The following RALGAPA1 variants were observed in gnomAD, a reference collection of about 807,000 sequenced individuals.
RALGAPA1 encodes the protein ral GTPase-activating protein subunit alpha-1.
A neutral mutation model predicts 269.6 loss-of-function variants in RALGAPA1; 52 were observed. The ratio of observed to expected loss-of-function variants is 0.19; its 90% confidence interval spans 0.15 to 0.24. RALGAPA1 has a LOEUF of 0.24. Among genes scored for constraint, RALGAPA1 ranks in the 10% least tolerant of loss-of-function variants. The pLI is 1.00. For synonymous variants in RALGAPA1, 817 were observed against 1,008.3 expected, an observed-to-expected ratio of 0.81 and a Z score of 3.60; for missense variants, 1,917 against 3,013.9, an observed-to-expected ratio of 0.64 and a Z score of 8.52.
rs1168225146 is a variant in RALGAPA1, at chr14:35,685,123, C to T, written c.4100G>A (p.Ser1367Asn). ...NASTMTRRGSSPGSLEIPKDL... is the reference protein window; with the variant it reads ...NASTMTRRGSNPGSLEIPKDL... ...TTTGGGAATTTCCAGGCTGCCTGGA[C>T]TACTTCCTCTTCTTGTCATAGTCTA... The change falls in exon 20 of 42, where the codon AGT becomes AAT. Residue 1367 changes from serine (S) to asparagine (N), a missense_variant. Around this residue, in one of 11 missense-constraint regions of RALGAPA1, gnomAD observed 615 missense variants for 790.0 expected, o/e 0.78. Transcript: ENST00000680220. 7.7e-6 allele frequency: 12 copies of T among 1,564,298 alleles called. No individual in the cohort carries two copies. The highest frequency in any genetic ancestry group is 8.7e-6 in the Non-Finnish European group (10 of 1,153,518).
rs34108430 is a variant in RALGAPA1 at position 35,607,151 on chromosome 14, CA to C, written c.6930-1443del. The stretch of plus-strand genomic sequence containing the variant: ...TATTGTCCTAAAGTCATAGAGCAAA[CA>C]GGGAAATATTCATTCAAGGAAACTC... On this transcript the variant is annotated intron_variant, in intron 35 of 41. Transcript: ENST00000680220. Among the ~76,000 whole-genome samples, 1,520 of 152,302 alleles carry C rather than the reference CA, an allele frequency of 1.0e-2. 9 individuals are homozygous for C. Among genetic ancestry groups the C allele is most frequent in the Non-Finnish European group, 0.015 (992 of 68,026 alleles).
At chr14:35,599,745 C>T (rs879705491) in intron 36 of RALGAPA1, among the ~76,000 whole-genome samples, 1 of 152,122 alleles carries the variant, frequency 6.6e-6, no homozygotes, top group Non-Finnish European at 1.5e-5. Flanking sequence ...GAGTGAGACT[C>T]CACCTCAAAA....
intron 35 of RALGAPA1, among the ~76,000 whole-genome samples, chr14:35,606,063 T>C (rs1310384279): frequency 6.6e-6 from 1 of 152,220 alleles, no homozygotes; most frequent in Non-Finnish European, 1.5e-5. Context: ...TTTTGCAATG[T>C]AGCCGAATCC....
intron 13 of RALGAPA1, among the ~76,000 whole-genome samples, chr14:35,727,794 G>T (rs2070108030): frequency 6.6e-6 from 1 of 152,138 alleles, no homozygotes; most frequent in Admixed American, 6.5e-5. Flanking sequence ...GTAGAAACAG[G>T]AAGGTGAATC....
intron 38 of RALGAPA1, among the ~76,000 whole-genome samples, chr14:35,571,263 T>C (rs2139453772): frequency 6.6e-6 from 1 of 152,352 alleles, no homozygotes; most frequent in South Asian, 2.1e-4. Context: ...TTAGAAATTC[T>C]GTTTGAATAA....
intron 28 of RALGAPA1, among the ~76,000 whole-genome samples, chr14:35,656,195 A>G (rs2063163299): frequency 6.6e-6 from 1 of 152,210 alleles, no homozygotes; most frequent in African/African-American, 2.4e-5. Context: ...TTAGACTGAC[A>G]TTGCTATCAA....
intron 41 of RALGAPA1, among the ~76,000 whole-genome samples, chr14:35,546,028 C>CTAA (rs1436524718): frequency 1.3e-5 from 2 of 152,004 alleles, no homozygotes; most frequent in Non-Finnish European, 2.9e-5. Context: ...CAAGAAAAAT[C>CTAA]TAATAATATT....
chr14:35,793,527 C>T (rs2076345740), intron 1 of RALGAPA1, among the ~76,000 whole-genome samples: 1 of 152,062 alleles, frequency 6.6e-6, no homozygotes, highest in Non-Finnish European at 1.5e-5. Context: ...AGCCACCGCG[C>T]CTGGCTCTCC....
In RALGAPA1 at chr14:35,678,938, AC is replaced by A. The variant is rs1203408330; in HGVS notation, c.4472-837del. On this transcript the variant is annotated intron_variant, in intron 21 of 41. Transcript: ENST00000680220. ...AGTCTCTGCTAGATGCTCTCACTGA[AC>A]CCTGCACCTCTCTATTATACCACTT... is the stretch of plus-strand genomic sequence containing the variant. Among the ~76,000 whole-genome samples the A allele has an allele frequency of 6.2e-3, 949 of 152,148 alleles. 15 individuals carry two copies. Among genetic ancestry groups the A allele is most frequent in the African/African-American group, 0.022 (899 of 41,492 alleles).
At chr14:35,697,778 G>A (rs140690551) in intron 17 of RALGAPA1, among the ~76,000 whole-genome samples, 1 of 152,092 alleles carries the variant, frequency 6.6e-6, no homozygotes, top group African/African-American at 2.4e-5. Flanking sequence ...TTACGTATCA[G>A]CTTGAAAAAT....
At chr14:35,653,767 T>C (rs1024049522) in intron 30 of RALGAPA1, among the ~76,000 whole-genome samples, 2 of 151,070 alleles carry the variant, frequency 1.3e-5, no homozygotes, top group Admixed American at 6.6e-5. Context: ...AAAGAAATAA[T>C]GAAGGAATGA....
chr14:35,569,402 G>T lies in RALGAPA1; in HGVS notation c.7496+1215C>A, dbSNP rs545510831. ...ATTTAAAACTTTGTGTATGTTGTGT[G>T]CCAGGCACTGTTTTAAGAGCTTTAC... On this transcript the variant is annotated intron_variant, in intron 39 of 41. Transcript: ENST00000680220. Among the ~76,000 whole-genome samples the T allele has an allele frequency of 6.1e-4, 93 of 152,276 alleles. 1 individual carries two copies. The highest frequency in any genetic ancestry group is 2.2e-3 in the African/African-American group (91 of 41,548).
intron 26 of RALGAPA1, among the ~76,000 whole-genome samples, chr14:35,668,286 C>G (rs566410125): frequency 1.2e-3 from 177 of 152,238 alleles, no homozygotes; most frequent in African/African-American, 3.9e-3. Flanking sequence ...AGTTCAAGAC[C>G]AGCCTGGCCA....
intron 2 of RALGAPA1, 58 bp from the exon 3 acceptor site, chr14:35,775,113 T>A (rs534441871): frequency 2.0e-6 from 2 of 977,486 alleles, no homozygotes; most frequent in Non-Finnish European, 3.1e-6. Flanking sequence ...CATAATGAAC[T>A]TAAAATATTT....
chr14:35,743,152 G>A (rs553998892), intron 10 of RALGAPA1, among the ~76,000 whole-genome samples: 9 of 152,004 alleles, frequency 5.9e-5, no homozygotes, highest in African/African-American at 1.4e-4. Context: ...CACAGACAGT[G>A]GCCCCTGCTG....
rs776748747 is a variant in RALGAPA1 at position 35,775,042 on chromosome 14, T to C, written c.231A>G (p.Gln77=). The change falls in exon 3 of 42, where the codon CAA becomes CAG. Residue 77 remains glutamine, a synonymous_variant. Coordinates refer to ENST00000680220, the MANE Select transcript of RALGAPA1 (RefSeq NM_001346249.2). ...AAAGTATAGCATCCAATTCCTCTCT[T>C]TGAGACTTGTGACCTAAAACATTTT... ...ASLKQKGHKS[Q]REELDAILFI... is the part of the protein sequence containing the mutation. 6.4e-7 allele frequency: 1 copy of C among 1,560,088 alleles called. No homozygotes were observed. Among genetic ancestry groups the C allele is most frequent in the Non-Finnish European group, 8.8e-7 (1 of 1,138,294 alleles).
intron 11 of RALGAPA1, among the ~76,000 whole-genome samples, chr14:35,741,391 T>C (rs1052084359): frequency 1.3e-5 from 2 of 152,168 alleles, no homozygotes; most frequent in Non-Finnish European, 2.9e-5. Flanking sequence ...TTCAATTATA[T>C]TTCTCAGTTA....
intron 27 of RALGAPA1, 90 bp from the exon 28 acceptor site, chr14:35,659,286 T>C: frequency 1.1e-6 from 1 of 872,934 alleles, no homozygotes; most frequent in Non-Finnish European, 1.8e-6. Flanking sequence ...TAAAGCAGTC[T>C]TTGTTCTCAT....
intron 16 of RALGAPA1, among the ~76,000 whole-genome samples, chr14:35,711,916 C>T (rs915835154): frequency 3.3e-5 from 5 of 152,136 alleles, no homozygotes; most frequent in Admixed American, 2.0e-4. Flanking sequence ...AATATGTTTT[C>T]GGTTTGTTGA....
Sources: allele counts gnomAD v4.1 joint callset (sites outside exome capture counted in the v4.1 genomes callset), GRCh38; gene constraint gnomAD v4.1.1; regional missense constraint gnomAD v4.1.1; transcripts MANE v1.5; gene names NCBI Gene and HGNC (gene_info 2026-07-23, HGNC 2026-07-21).